The following PDSS2 variants were observed in gnomAD, a reference collection of about 807,000 sequenced individuals.
PDSS2 encodes the protein all trans-polyprenyl-diphosphate synthase PDSS2.
Under a neutral mutation model 44.5 loss-of-function variants are expected in PDSS2, and 31 were observed. The ratio of observed to expected loss-of-function variants is 0.70; its 90% confidence interval spans 0.52 to 0.94. PDSS2 has a LOEUF of 0.94. Ranked by LOEUF, PDSS2 falls within the 40% of genes least tolerant of loss-of-function variation. PDSS2 has a pLI of 0.00. For synonymous variants in PDSS2, 157 were observed against 180.3 expected, an observed-to-expected ratio of 0.87 and a Z score of 1.03; for missense variants, 452 against 482.2, an observed-to-expected ratio of 0.94 and a Z score of 0.59.
At chr6:107,281,804 AC>A (rs1432092057) in intron 2 of PDSS2, among the ~76,000 whole-genome samples, 1 of 151,806 alleles carries the variant, frequency 6.6e-6, no homozygotes, top group Non-Finnish European at 1.5e-5. Flanking sequence ...TCTCCCTGCC[AC>A]CCCCTTCCCT....
At chr6:107,439,298 G>T (rs912845963) in intron 1 of PDSS2, among the ~76,000 whole-genome samples, 1 of 152,194 alleles carries the variant, frequency 6.6e-6, no homozygotes, top group African/African-American at 2.4e-5. Flanking sequence ...TTGCTACTAG[G>T]ATCCAGTGAA....
At chr6:107,262,481 G>A (rs1331764402) in intron 3 of PDSS2, among the ~76,000 whole-genome samples, 1 of 151,926 alleles carries the variant, frequency 6.6e-6, no homozygotes, top group Non-Finnish European at 1.5e-5. Context: ...CTAAGAAAAA[G>A]GAAAATTGGG....
intron 4 of PDSS2, among the ~76,000 whole-genome samples, chr6:107,244,421 C>A (rs989033547): frequency 6.6e-6 from 1 of 152,148 alleles, no homozygotes; most frequent in Non-Finnish European, 1.5e-5. Context: ...CCAGTAGTCA[C>A]CCATTTTACA....
intron 4 of PDSS2, among the ~76,000 whole-genome samples, chr6:107,222,836 T>TACA (rs1773656159): frequency 6.6e-6 from 1 of 151,712 alleles, no homozygotes; most frequent in South Asian, 2.1e-4. Flanking sequence ...CTGGGTGTGG[T>TACA]GGCTCATACC....
chr6:107,192,531 C>A (rs1772415478), intron 7 of PDSS2: 2 of 334,568 alleles, frequency 6.0e-6, no homozygotes, highest in Non-Finnish European at 1.2e-5. Context: ...AAGCTTCCCA[C>A]ACCCTACCGC....
chr6:107,374,072 T>C (rs1440472257), intron 1 of PDSS2, among the ~76,000 whole-genome samples: 2 of 151,986 alleles, frequency 1.3e-5, no homozygotes, highest in East Asian at 3.9e-4. Context: ...CTGGTCAATA[T>C]GGTGAAACCC....
At chr6:107,411,881 T>TC (rs201317847) in intron 1 of PDSS2, among the ~76,000 whole-genome samples, 3 of 38,698 alleles carry the variant, frequency 7.8e-5, no homozygotes, top group African/African-American at 4.2e-4. Flanking sequence ...TTCTTCTTCT[T>TC]TTTTTTTTTT....
chr6:107,417,633 C>T (rs1041803648), intron 1 of PDSS2, among the ~76,000 whole-genome samples: 2 of 152,082 alleles, frequency 1.3e-5, no homozygotes, highest in African/African-American at 2.4e-5. Context: ...GGTGGCGCAG[C>T]CTGTAGTCCC....
chr6:107,384,668 A>C (rs962397160), intron 1 of PDSS2, among the ~76,000 whole-genome samples: 19 of 148,986 alleles, frequency 1.3e-4, no homozygotes, highest in Admixed American at 3.3e-4. Flanking sequence ...ACAAAAAAAC[A>C]AAAAAAACCC....
At chr6:107,369,512 A>G (rs780916729) in intron 1 of PDSS2, among the ~76,000 whole-genome samples, 9 of 152,222 alleles carry the variant, frequency 5.9e-5, no homozygotes, top group Non-Finnish European at 1.2e-4. Context: ...AATCAATCAT[A>G]GTCCTTAGAG....
chr6:107,386,296 T>C (rs1207824253), intron 1 of PDSS2, among the ~76,000 whole-genome samples: 2 of 151,766 alleles, frequency 1.3e-5, no homozygotes, highest in Non-Finnish European at 1.5e-5. Context: ...AACAGTGGAC[T>C]CAAAAATTCA....
intron 1 of PDSS2, among the ~76,000 whole-genome samples, chr6:107,414,800 C>T (rs553899618): frequency 1.3e-5 from 2 of 152,298 alleles, no homozygotes; most frequent in Admixed American, 6.5e-5. Context: ...CACAAGGAGA[C>T]AGCAAGAAGG....
chr6:107,156,818 T>C (rs1582706729), intron 7 of PDSS2, among the ~76,000 whole-genome samples: 1 of 152,158 alleles, frequency 6.6e-6, no homozygotes, highest in Admixed American at 6.6e-5. Context: ...GCAGCCGAGG[T>C]TGTGAAATTA....
Position 107,288,753 on chromosome 6 carries a change from G to GTTTT in PDSS2, c.432-14530_432-14527dup, listed in dbSNP as rs35762837. Reference sequence around the variant, plus strand: ...AATATGAAGATGCCGGGACGAAATTGTTTTTTTTTTTTTTTTTTTTTTTTG... The same window carrying GTTTT: ...AATATGAAGATGCCGGGACGAAATTGTTTTTTTTTTTTTTTTTTTTTTTTTTTTG... On this transcript the variant is annotated intron_variant, in intron 2 of 7. Transcript: ENST00000369037. Among the ~76,000 whole-genome samples, 68 of 72,736 alleles carry GTTTT rather than the reference G, an allele frequency of 9.3e-4. 1 individual carries two copies. Among genetic ancestry groups the GTTTT allele is most frequent in the East Asian group, 3.0e-3 (6 of 2,010 alleles). The allele number at this position is 72,736 out of a possible 152,430, so 47.7% of individuals were successfully genotyped here.
intron 7 of PDSS2, among the ~76,000 whole-genome samples, chr6:107,160,451 C>T (rs1771083433): frequency 6.6e-6 from 1 of 152,004 alleles, no homozygotes; most frequent in African/African-American, 2.4e-5. Context: ...TGTGCACAAG[C>T]AATCCTCCCA....
At chr6:107,375,077 C>G (rs1233842147) in intron 1 of PDSS2, among the ~76,000 whole-genome samples, 1 of 151,586 alleles carries the variant, frequency 6.6e-6, no homozygotes, top group East Asian at 1.9e-4. Flanking sequence ...ATATAATAAT[C>G]AAAACATCAA....
intron 4 of PDSS2, among the ~76,000 whole-genome samples, chr6:107,223,022 C>G (rs1773665323): frequency 6.6e-6 from 1 of 151,162 alleles, no homozygotes; most frequent in South Asian, 2.1e-4. Flanking sequence ...AATCTCGGCT[C>G]ACTGCAACCT....
rs552076697 is a variant in PDSS2 at position 107,274,265 on chromosome 6, A to G, written c.432-38T>C. 8.8e-6 allele frequency: 13 copies of G among 1,471,074 alleles called. No homozygotes were observed. In the African/African-American group the frequency reaches 1.8e-4, roughly 20 times the overall value. The allele number at this position is 1,471,074 out of a possible 1,614,324, so 91.1% of individuals were successfully genotyped here. ...GGTAAGATTTGTTAGAATATCAAGA[A>G]CACCATTTTATCACTAATGTCTGAT... On this transcript the variant is annotated intron_variant, in intron 2 of 7. Transcript: ENST00000369037.
At chr6:107,259,630 G>A (rs1000789044) in intron 3 of PDSS2, among the ~76,000 whole-genome samples, 2 of 150,854 alleles carry the variant, frequency 1.3e-5, no homozygotes, top group East Asian at 1.9e-4. Flanking sequence ...AGCTGAGATC[G>A]CACCACTGCA....
Sources: allele counts gnomAD v4.1 joint callset (sites outside exome capture counted in the v4.1 genomes callset), GRCh38; gene constraint gnomAD v4.1.1; transcripts MANE v1.5; gene names NCBI Gene and HGNC (gene_info 2026-07-23, HGNC 2026-07-21).